The following PCNX2 variants were observed in gnomAD, a reference collection of about 807,000 sequenced individuals.
PCNX2 encodes the protein pecanex 2, also known as pecanex-like protein 2.
A neutral mutation model predicts 223.8 loss-of-function variants in PCNX2; 168 were observed. The ratio of observed to expected loss-of-function variants is 0.75; its 90% CI spans 0.66 to 0.85. The LOEUF (loss-of-function observed/expected upper bound fraction) is 0.85. Among genes scored for constraint, PCNX2 ranks in the 40% least tolerant of loss-of-function variants. The probability of loss-of-function intolerance (pLI) is 0.00; values close to 1 mark genes in which losing one functional copy is unlikely to be tolerated. For synonymous variants in PCNX2, 1,006 were observed against 1,052.6 expected, an observed-to-expected ratio of 0.96 and a Z score of 0.86; for missense variants, 2,507 against 2,675.5, an observed-to-expected ratio of 0.94 and a Z score of 1.39.
intron 19 of PCNX2, among the ~76,000 whole-genome samples, chr1:233,152,661 T>A (rs1169527061): frequency 6.6e-6 from 1 of 152,198 alleles, no homozygotes; most frequent in Non-Finnish European, 1.5e-5. Context: ...GACCTATTGA[T>A]GAAAATTTCA....
intron 27 of PCNX2, among the ~76,000 whole-genome samples, 184 bp from the exon 28 acceptor site, chr1:233,014,961 G>A (rs187317190): frequency 2.6e-5 from 4 of 151,822 alleles, no homozygotes; most frequent in African/African-American, 4.8e-5. Flanking sequence ...GGTTGGACAC[G>A]GAAAAAAAAA....
At chr1:233,211,667 G>T in intron 12 of PCNX2, 1 of 553,392 alleles carries the variant, frequency 1.8e-6, no homozygotes, top group Non-Finnish European at 2.3e-6. Context: ...GCAGAGTAAG[G>T]ACTGGAGCCC....
chr1:233,109,027 G>A (rs1426643554), intron 21 of PCNX2, among the ~76,000 whole-genome samples: 1 of 152,076 alleles, frequency 6.6e-6, no homozygotes, highest in Non-Finnish European at 1.5e-5. Context: ...ACTTCACTCT[G>A]GCAACCCCGC....
chr1:233,175,259 G>C (rs1331071742), intron 17 of PCNX2, among the ~76,000 whole-genome samples: 2 of 152,130 alleles, frequency 1.3e-5, no homozygotes, highest in East Asian at 3.9e-4. Context: ...AATTAGGCCA[G>C]AGACTTTTCA....
At chr1:233,277,569 TAC>T (rs1660980430) in intron 1 of PCNX2, among the ~76,000 whole-genome samples, 1 of 152,108 alleles carries the variant, frequency 6.6e-6, no homozygotes, top group Admixed American at 6.6e-5. Flanking sequence ...ATTTAAACAC[TAC>T]AGAGGGGCAC....
chr1:233,252,749 TTTTCCAGGA>T lies in PCNX2; in HGVS notation c.1865_1873del (p.Ile622_Glu624del), dbSNP rs757927117. 10 of 1,612,652 alleles carry T rather than the reference TTTTCCAGGA, an allele frequency of 6.2e-6. No individual in the cohort carries two copies. The East Asian group carries it at 2.0e-4, about 32-fold the overall frequency. ...AGAACTGTGTCCACTGGGCTTTTCA[TTTTCCAGGA>T]TTTCCTCCTTTTTTTCCTGGGAACA... On this transcript the variant is annotated inframe_deletion, in exon 6 of 34. Coordinates refer to ENST00000258229, the MANE Select transcript of PCNX2 (RefSeq NM_014801.4).
intron 25 of PCNX2, chr1:233,025,751 T>C (rs1671060667): frequency 4.1e-6 from 1 of 245,184 alleles, no homozygotes. Flanking sequence ...TACTTGACTT[T>C]AGTCCATTTA....
chr1:233,083,394 T>C (rs1673451538), intron 23 of PCNX2, among the ~76,000 whole-genome samples: 1 of 152,100 alleles, frequency 6.6e-6, no homozygotes, highest in Non-Finnish European at 1.5e-5. Context: ...CCAGGTGATA[T>C]CACAAGGAGC....
At chr1:233,312,795 T>A in the PCNX2 span, among the ~76,000 whole-genome samples, 2 of 152,148 alleles carry the variant, frequency 1.3e-5, no homozygotes, top group South Asian at 4.1e-4. Flanking sequence ...GTAAAGGATG[T>A]CTAGTAAAAT....
chr1:233,132,067 G>C (rs1161759463), intron 21 of PCNX2, among the ~76,000 whole-genome samples: 2 of 151,986 alleles, frequency 1.3e-5, no homozygotes, highest in African/African-American at 4.8e-5. Context: ...CTCCTGACTA[G>C]CTGGGATTAC....
At chr1:233,259,672 G>C (rs1049398268) in intron 4 of PCNX2, among the ~76,000 whole-genome samples, 1 of 151,954 alleles carries the variant, frequency 6.6e-6, no homozygotes, top group Non-Finnish European at 1.5e-5. Context: ...CCCTCCCTGT[G>C]TCCATGTGTT....
At chr1:233,018,660 G>A (rs1190230411) in intron 26 of PCNX2, 2 of 609,876 alleles carry the variant, frequency 3.3e-6, no homozygotes, top group Non-Finnish European at 4.1e-6. Flanking sequence ...TGCTGCTGTG[G>A]AGTCCCTGCC....
At chr1:233,235,957 A>AATATATATATATATATATATAT (rs1553319644) in intron 9 of PCNX2, among the ~76,000 whole-genome samples, 10 of 93,090 alleles carry the variant, frequency 1.1e-4, no homozygotes, top group African/African-American at 2.0e-4. Flanking sequence ...CATAAAAAAA[A>AATATATATATATATATATATAT]ATATATATAT....
intron 10 of PCNX2, among the ~76,000 whole-genome samples, chr1:233,223,299 T>C (rs1321390943): frequency 6.6e-6 from 1 of 151,968 alleles, no homozygotes; most frequent in African/African-American, 2.4e-5. Flanking sequence ...TCAACGGAGT[T>C]TTGAGGTTGG....
chr1:233,010,378 A>C (rs1670424572), intron 28 of PCNX2, among the ~76,000 whole-genome samples: 1 of 152,206 alleles, frequency 6.6e-6, no homozygotes, highest in South Asian at 2.1e-4. Context: ...ATCACTTTTC[A>C]AGATCAAATT....
At chr1:233,320,796 C>A in the PCNX2 span, among the ~76,000 whole-genome samples, 1 of 152,042 alleles carries the variant, frequency 6.6e-6, no homozygotes, top group Non-Finnish European at 1.5e-5. Flanking sequence ...ATCTCATTAC[C>A]CAATATCAAA....
chr1:233,202,204 T>C (rs951567984), intron 13 of PCNX2: 5 of 468,086 alleles, frequency 1.1e-5, no homozygotes, highest in Non-Finnish European at 2.2e-5. Flanking sequence ...TTTTGTCCTT[T>C]TTTTTTTCAG....
the PCNX2 span, among the ~76,000 whole-genome samples, chr1:233,317,315 G>C: frequency 6.6e-6 from 1 of 152,176 alleles, no homozygotes; most frequent in Non-Finnish European, 1.5e-5. Context: ...TCTGGAGGCT[G>C]AGGCAGGAGA....
intron 23 of PCNX2, among the ~76,000 whole-genome samples, chr1:233,058,806 C>G (rs542855242): frequency 6.6e-6 from 1 of 151,844 alleles, no homozygotes; most frequent in South Asian, 2.1e-4. Flanking sequence ...GCTGGGATTA[C>G]AGACATGCGC....
Sources: gnomAD v4.1 joint callset for allele counts (sites outside exome capture counted in the v4.1 genomes callset) on GRCh38, gnomAD v4.1.1 for gene constraint, MANE v1.5 for transcripts, NCBI Gene and HGNC (gene_info 2026-07-23, HGNC 2026-07-21) for gene names.